FIP1L1: variants seen among roughly 807,000 people sequenced by gnomAD.
FIP1L1 encodes pre-mRNA 3'-end-processing factor FIP1.
Under a neutral mutation model 84.6 loss-of-function variants are expected in FIP1L1, and 21 were observed. The ratio of observed to expected loss-of-function variants is 0.25; its 90% CI spans 0.18 to 0.36. The LOEUF (loss-of-function observed/expected upper bound fraction) is 0.36. Among genes scored for constraint, FIP1L1 ranks in the 10% least tolerant of loss-of-function variants. The pLI is 1.00. For missense variants in FIP1L1, 526 were observed against 751.1 expected, an observed-to-expected ratio of 0.70 and a Z score of 3.50; for synonymous variants, 263 against 242.3, an observed-to-expected ratio of 1.09 and a Z score of -0.80.
chr4:53,410,758 C>T (rs995798371), intron 10 of FIP1L1, among the ~76,000 whole-genome samples: 9 of 151,998 alleles, frequency 5.9e-5, no homozygotes, highest in East Asian at 5.8e-4. Flanking sequence ...GTGCAAAAAC[C>T]GCAATTACTT....
intron 11 of FIP1L1, among the ~76,000 whole-genome samples, chr4:53,420,797 C>CT (rs1762107117): frequency 6.6e-6 from 1 of 152,000 alleles, no homozygotes; most frequent in African/African-American, 2.4e-5. Flanking sequence ...TACCACAAAA[C>CT]TAAAAGATCT....
Position 53,458,637 on chromosome 4 carries a change from T to C in FIP1L1, c.1500-16T>C. On this transcript the variant is annotated splice_polypyrimidine_tract_variant and intron_variant, in intron 16 of 17. Coordinates refer to ENST00000337488, the MANE Select transcript of FIP1L1 (RefSeq NM_030917.4). ...ATGGTCCAGTTGTCAAGAAAACATT[T>C]CTATTTCAATTTCAGCGATGAAGAA... 1.6e-5 allele frequency: 25 copies of C among 1,605,970 alleles called. No individual in the cohort carries two copies. Among genetic ancestry groups the C allele is most frequent in the Non-Finnish European group, 2.1e-5 (25 of 1,175,934 alleles).
intron 10 of FIP1L1, among the ~76,000 whole-genome samples, chr4:53,406,328 T>A (rs1753432348): frequency 1.3e-5 from 2 of 152,366 alleles, no homozygotes; most frequent in Non-Finnish European, 2.9e-5. Context: ...TTTTCGTATA[T>A]TGAACCAGCC....
Position 53,390,501 on chromosome 4 carries a change from T to C in FIP1L1, c.398-20T>C, listed in dbSNP as rs776910628. 1 of 1,531,130 alleles carries C rather than the reference T, an allele frequency of 6.5e-7. No homozygotes were observed. Among genetic ancestry groups the C allele is most frequent in the South Asian group, 1.1e-5 (1 of 87,396 alleles). 94.8% of individuals were successfully genotyped at this position (1,531,130 alleles called of 1,614,324 possible). A position where few individuals can be genotyped will look rare whatever the true frequency, so the allele number is the denominator to read the frequency against. Reference sequence around the variant, plus strand: ...CTTCTTGCAAGTATAGCTCCTTCATTTTGTAATTTTATAAAACAGGGACAA... The same window carrying C: ...CTTCTTGCAAGTATAGCTCCTTCATCTTGTAATTTTATAAAACAGGGACAA... On this transcript the variant is annotated intron_variant, in intron 6 of 17. Transcript: ENST00000337488.
intron 11 of FIP1L1, among the ~76,000 whole-genome samples, chr4:53,419,486 G>C (rs1317477393): frequency 1.3e-5 from 2 of 152,084 alleles, no homozygotes; most frequent in Admixed American, 1.3e-4. Context: ...CTGTTTCCCA[G>C]GTTGAGTGTA....
chr4:53,396,720 T>C (rs955360028), intron 9 of FIP1L1, among the ~76,000 whole-genome samples: 14 of 152,204 alleles, frequency 9.2e-5, no homozygotes, highest in African/African-American at 1.4e-4. Context: ...TAGAATCTTA[T>C]GCTTTCTTTT....
At position 53,391,045 on chromosome 4, in the gene FIP1L1, A is replaced by T. The variant is rs746477796; in HGVS notation, c.542A>T (p.Asn181Ile). The T allele has an allele frequency of 1.2e-6, 2 of 1,610,234 alleles. No homozygotes were observed. The highest frequency in any genetic ancestry group is 3.4e-5 in the Admixed American group (2 of 59,314). ...TCTGATTATTTTAATTATGGGTTTA[A>T]TGAAGATACCTGGAAAGCTTACTGT... Reference protein sequence around the residue: ...DLSDYFNYGFNEDTWKAYCEK... With the variant: ...DLSDYFNYGFIEDTWKAYCEK... The change falls in exon 8 of 18, where the codon AAT becomes ATT. Residue 181 changes from asparagine (N) to isoleucine (I), a missense_variant. Asn to Ile is a moderately radical substitution (Grantham distance 149). This residue lies in a region of FIP1L1 where 169 missense variants were observed against 206.9 expected (regional missense o/e 0.82). Coordinates refer to ENST00000337488, the MANE Select transcript of FIP1L1 (RefSeq NM_030917.4).
chr4:53,394,416 A>G (rs1288267358), intron 9 of FIP1L1, among the ~76,000 whole-genome samples: 5 of 152,130 alleles, frequency 3.3e-5, no homozygotes, highest in African/African-American at 4.8e-5. Context: ...GTTTTTTCAC[A>G]TTCCCTGATG....
At chr4:53,442,816 T>C in intron 14 of FIP1L1, 109 bp downstream of exon 14, 1 of 604,276 alleles carries the variant, frequency 1.7e-6, no homozygotes, top group East Asian at 2.9e-5. Context: ...AGCACCTGTC[T>C]TTTAATTTAT....
chr4:53,391,157 C>A lies in FIP1L1; in HGVS notation c.636+18C>A. 1 of 1,590,396 alleles carries A rather than the reference C, an allele frequency of 6.3e-7. No homozygotes were observed. The highest frequency in any genetic ancestry group is 8.5e-7 in the Non-Finnish European group (1 of 1,172,558). On this transcript the variant is annotated intron_variant, in intron 8 of 17. Transcript: ENST00000337488. ...AAATTACGGTAATTAATAAATACTCCGGAATACCCTTGGCTTGTCTACCGT... is the reference window on the plus strand; with the variant it reads ...AAATTACGGTAATTAATAAATACTCAGGAATACCCTTGGCTTGTCTACCGT...
At chr4:53,448,737 G>C (rs1026949530) in intron 15 of FIP1L1, among the ~76,000 whole-genome samples, 1 of 152,138 alleles carries the variant, frequency 6.6e-6, no homozygotes, top group African/African-American at 2.4e-5. Flanking sequence ...AGATCAGTCT[G>C]TGTGGAATTC....
intron 7 of FIP1L1, among the ~76,000 whole-genome samples, 183 bp from the exon 8 acceptor site, chr4:53,390,826 T>C (rs548991942): frequency 1.3e-5 from 2 of 152,342 alleles, no homozygotes; most frequent in African/African-American, 4.8e-5. Context: ...TTATTGTTTA[T>C]TATAATGGCG....
At position 53,433,670 on chromosome 4, in the gene FIP1L1, T is replaced by C. The variant is rs570940255; in HGVS notation, c.1174+5487T>C. On this transcript the variant is annotated intron_variant, in intron 13 of 17. Coordinates refer to ENST00000337488, the MANE Select transcript of FIP1L1 (RefSeq NM_030917.4). ...AGCCCAGTAGTGGAATTCTGCTGAGTTGAAGAAGGGTCTTTGCTTTACTGA... is the reference window on the plus strand; with the variant it reads ...AGCCCAGTAGTGGAATTCTGCTGAGCTGAAGAAGGGTCTTTGCTTTACTGA... 4.6e-5 allele frequency among the ~76,000 whole-genome samples: 7 copies of C among 152,276 alleles called. No homozygotes were observed. The East Asian group carries it at 1.2e-3, about 25-fold the overall frequency.
At chr4:53,388,003 C>T (rs1189567859) in intron 5 of FIP1L1, among the ~76,000 whole-genome samples, 4 of 152,134 alleles carry the variant, frequency 2.6e-5, no homozygotes, top group East Asian at 1.9e-4. Flanking sequence ...AAGTTGGTGA[C>T]GATAGTACTG....
At chr4:53,438,309 C>T (rs183142644) in intron 13 of FIP1L1, among the ~76,000 whole-genome samples, 1 of 152,274 alleles carries the variant, frequency 6.6e-6, no homozygotes, top group African/African-American at 2.4e-5. Flanking sequence ...GATGAATTTT[C>T]TCTTCCCTTA....
chr4:53,452,439 C>T (rs1716648914), intron 15 of FIP1L1, among the ~76,000 whole-genome samples: 1 of 152,088 alleles, frequency 6.6e-6, no homozygotes, highest in Non-Finnish European at 1.5e-5. Context: ...CTGCCTTAGC[C>T]TCCCAAATAG....
intron 10 of FIP1L1, among the ~76,000 whole-genome samples, chr4:53,408,005 A>G (rs186917226): frequency 6.8e-4 from 104 of 152,250 alleles, no homozygotes; most frequent in African/African-American, 2.3e-3. Context: ...TTTAAAGCTA[A>G]CATTGTTATG....
At chr4:53,413,828 TA>T (rs1181766202) in intron 10 of FIP1L1, among the ~76,000 whole-genome samples, 1 of 152,146 alleles carries the variant, frequency 6.6e-6, no homozygotes, top group African/African-American at 2.4e-5. Context: ...GTAAAACATC[TA>T]ACAGTTCGAA....
At chr4:53,417,888 A>G (rs2149817053) in intron 11 of FIP1L1, among the ~76,000 whole-genome samples, 1 of 152,066 alleles carries the variant, frequency 6.6e-6, no homozygotes, top group South Asian at 2.1e-4. Context: ...AAGAAAAACT[A>G]GATTCCTGCT....
Sources: allele counts gnomAD v4.1 joint callset (sites outside exome capture counted in the v4.1 genomes callset), GRCh38; gene constraint gnomAD v4.1.1; regional missense constraint gnomAD v4.1.1; transcripts MANE v1.5; gene names NCBI Gene and HGNC (gene_info 2026-07-23, HGNC 2026-07-21).